The following DNAH12 variants were observed in gnomAD, a reference collection of about 807,000 sequenced individuals.
DNAH12 encodes dynein axonemal heavy chain 12.
Under a neutral mutation model 371.5 loss-of-function variants are expected in DNAH12, and 285 were observed. That is an observed-to-expected ratio of 0.77 (90% CI 0.70 to 0.85). DNAH12 has a LOEUF of 0.85. Ranked by LOEUF, DNAH12 falls within the 40% of genes least tolerant of loss-of-function variation. The probability of loss-of-function intolerance (pLI) is 0.00; values close to 1 mark genes in which losing one functional copy is unlikely to be tolerated. For synonymous variants in DNAH12, 1,200 were observed against 1,213.0 expected (o/e 0.99, Z 0.22); for missense variants, 3,611 against 3,689.4 (o/e 0.98, Z 0.55).
intron 25 of DNAH12, among the ~76,000 whole-genome samples, chr3:57,451,139 T>C (rs2084357): frequency 0.073 from 11,069 of 152,234 alleles, 1,353 homozygotes; most frequent in African/African-American, 0.25. Flanking sequence ...TACAGGTTTT[T>C]ACTAAGAACA....
intron 29 of DNAH12, among the ~76,000 whole-genome samples, chr3:57,440,088 T>G (rs577801069): frequency 6.6e-6 from 1 of 152,288 alleles, no homozygotes; most frequent in South Asian, 2.1e-4. Flanking sequence ...GGAATGCAAA[T>G]TAGTTCAGTC....
At chr3:57,389,839 T>TATATATATATAAA (rs1326237791) in intron 45 of DNAH12, among the ~76,000 whole-genome samples, 1 of 84,846 alleles carries the variant, frequency 1.2e-5, no homozygotes, top group Non-Finnish European at 2.8e-5. Context: ...TATATATATA[T>TATATATATATAAA]AATACTTTTT....
At chr3:57,477,189 A>G (rs6445892) in intron 13 of DNAH12, among the ~76,000 whole-genome samples, 101,808 of 152,006 alleles carry the variant, frequency 0.67, 34,352 homozygotes, top group South Asian at 0.75. Flanking sequence ...AGAAAGGGGT[A>G]ACAGACGGCA....
chr3:57,528,877 G>A (rs1287927346), intron 2 of DNAH12, among the ~76,000 whole-genome samples: 1 of 151,508 alleles, frequency 6.6e-6, no homozygotes, highest in African/African-American at 2.4e-5. Flanking sequence ...TTCGCTCACT[G>A]TAACCTCTGC....
At chr3:57,539,627 T>TA (rs1159607068) in intron 2 of DNAH12, among the ~76,000 whole-genome samples, 119 of 150,974 alleles carry the variant, frequency 7.9e-4, no homozygotes, top group African/African-American at 2.6e-3. Flanking sequence ...TTTTTTTTTT[T>TA]TTTTGAGATG....
chr3:57,297,574 TG>T (rs925235136), intron 70 of DNAH12, among the ~76,000 whole-genome samples: 6 of 152,094 alleles, frequency 3.9e-5, no homozygotes, highest in African/African-American at 1.4e-4. Flanking sequence ...CAGGCTGGTC[TG>T]GAACTCCTGA....
At chr3:57,416,926 T>C (rs899650865) in intron 37 of DNAH12, among the ~76,000 whole-genome samples, 2 of 152,202 alleles carry the variant, frequency 1.3e-5, no homozygotes, top group African/African-American at 4.8e-5. Context: ...ACTATCATTT[T>C]GAATGATAAC....
intron 30 of DNAH12, among the ~76,000 whole-genome samples, 170 bp from the exon 31 acceptor site, chr3:57,433,998 C>G (rs1228575564): frequency 6.6e-6 from 1 of 152,094 alleles, no homozygotes; most frequent in East Asian, 1.9e-4. Context: ...TGATTGACTA[C>G]AAATCAAATT....
chr3:57,415,588 T>C, intron 37 of DNAH12, 24 bp from the exon 38 acceptor site: 1 of 1,507,962 alleles, frequency 6.6e-7, no homozygotes, highest in Non-Finnish European at 8.8e-7. Context: ...ATGAATATAT[T>C]ATTCAAAATG....
At chr3:57,340,091 G>C (rs1559568792) in intron 60 of DNAH12, among the ~76,000 whole-genome samples, 1 of 151,566 alleles carries the variant, frequency 6.6e-6, no homozygotes, top group Non-Finnish European at 1.5e-5. Flanking sequence ...AAAATTCCTT[G>C]AAGCAAATGA....
rs2066052906 is a variant in DNAH12 at position 57,461,500 on chromosome 3, G to A, written c.2725C>T (p.His909Tyr). The A allele has an allele frequency of 1.3e-6, 2 of 1,551,112 alleles. No homozygotes were observed. Among genetic ancestry groups the A allele is most frequent in the South Asian group, 1.2e-5 (1 of 84,044 alleles). The change falls in exon 19 of 74, where the codon CAT becomes TAT. Residue 909 changes from histidine to tyrosine, a missense_variant. His to Tyr is a moderately conservative substitution (Grantham distance 83). This residue lies in a region of DNAH12 where 1,314 missense variants were observed against 1,398.7 expected (regional missense o/e 0.94). Coordinates refer to ENST00000495027, the MANE Select transcript of DNAH12 (RefSeq NM_001366028.2). Reference sequence around the variant, plus strand: ...CACATTTAACATACCTTGATCTCATGTTCAAATGGTTTGATGAAAGGTGAG... The same window carrying A: ...CACATTTAACATACCTTGATCTCATATTCAAATGGTTTGATGAAAGGTGAG... ...RGSPFIKPFE[H>Y]EIKAWEDRLI...
At chr3:57,495,550 C>G (rs1279059454) in intron 11 of DNAH12, among the ~76,000 whole-genome samples, 1 of 147,828 alleles carries the variant, frequency 6.8e-6, no homozygotes, top group African/African-American at 2.6e-5. Context: ...ATTAACCTCA[C>G]TCTAGCCTGG....
intron 2 of DNAH12, among the ~76,000 whole-genome samples, chr3:57,526,952 A>G (rs1250504528): frequency 1.3e-5 from 2 of 151,868 alleles, no homozygotes; most frequent in African/African-American, 2.4e-5. Flanking sequence ...CTCCTGCCTC[A>G]GCCTCCTGAG....
chr3:57,408,483 C>G lies in DNAH12; in HGVS notation c.6073G>C (p.Ala2025Pro). The change falls in exon 40 of 74, where the codon GCT becomes CCT. Residue 2025 changes from alanine to proline, a missense_variant. Coordinates refer to ENST00000495027, the MANE Select transcript of DNAH12 (RefSeq NM_001366028.2). ...CCACCACCTGGAGGGCCCATTGCAG[C>G]AATCAGCTCTATGTCCACCAGCGTG... ...KITLVDIELI[A>P]AMGPPGGGRN... The G allele has an allele frequency of 6.4e-7, 1 of 1,551,280 alleles. No individual in the cohort carries two copies. The highest frequency in any genetic ancestry group is 8.7e-7 in the Non-Finnish European group (1 of 1,146,782).
intron 8 of DNAH12, among the ~76,000 whole-genome samples, chr3:57,505,278 C>T (rs1332011288): frequency 7.1e-6 from 1 of 140,370 alleles, no homozygotes. Context: ...CTACCTTTCC[C>T]AGCCTCTGGT....
intron 37 of DNAH12, among the ~76,000 whole-genome samples, chr3:57,417,193 T>TGAGCTGAGATTGTGCC (rs138443785): frequency 0.19 from 29,292 of 151,696 alleles, 3,081 homozygotes; most frequent in African/African-American, 0.26. Context: ...GAGGTTGTGG[T>TGAGCTGAGATTGTGCC]GAGCTGAGAT....
chr3:57,461,415 A>G, intron 19 of DNAH12, 74 bp downstream of exon 19: 3 of 1,399,078 alleles, frequency 2.1e-6, no homozygotes, highest in Non-Finnish European at 2.9e-6. Context: ...GCTACTTATT[A>G]CCATGAGAGC....
At chr3:57,486,428 T>A (rs1016139975) in intron 12 of DNAH12, among the ~76,000 whole-genome samples, 19 of 151,688 alleles carry the variant, frequency 1.3e-4, no homozygotes, top group Admixed American at 9.9e-4. Context: ...TAATTTTAAG[T>A]AAGAAATAGA....
At chr3:57,503,925 AAG>A in intron 9 of DNAH12, 89 bp downstream of exon 9, 2 of 998,226 alleles carry the variant, frequency 2.0e-6, no homozygotes, top group Non-Finnish European at 2.7e-6. Context: ...AAATAACAGA[AAG>A]AGTCATAACA....
Sources: allele counts gnomAD v4.1 joint callset (sites outside exome capture counted in the v4.1 genomes callset), GRCh38; gene constraint gnomAD v4.1.1; regional missense constraint gnomAD v4.1.1; transcripts MANE v1.5; gene names NCBI Gene and HGNC (gene_info 2026-07-23, HGNC 2026-07-21).